Variants in RANBP17 observed in about 807,000 individuals in gnomAD.
The protein encoded by RANBP17 is ran-binding protein 17.
Under a neutral mutation model 141.2 loss-of-function variants are expected in RANBP17, and 158 were observed. The ratio of observed to expected loss-of-function variants is 1.12; its 90% CI spans 0.98 to 1.28. The LOEUF (loss-of-function observed/expected upper bound fraction) is 1.28. Ranked by LOEUF, RANBP17 falls within the 50% of genes most tolerant of loss-of-function variation. The pLI is 0.00. For synonymous variants in RANBP17, 430 were observed against 450.0 expected (o/e 0.96, Z 0.56); for missense variants, 1,438 against 1,290.7 (o/e 1.11, Z -1.75).
chr5:170,978,888 G>GCATA, intron 14 of RANBP17, among the ~76,000 whole-genome samples: 3 of 152,102 alleles, frequency 2.0e-5, no homozygotes, highest in Non-Finnish European at 2.9e-5. Context: ...GAAGCCTGGT[G>GCATA]TGTAATTGTG....
chr5:171,265,360 C>T (rs1766601741), intron 24 of RANBP17, among the ~76,000 whole-genome samples: 1 of 152,134 alleles, frequency 6.6e-6, no homozygotes, highest in South Asian at 2.1e-4. Flanking sequence ...CATGGAGAAA[C>T]CCCATCTCTA....
At chr5:170,985,245 A>G (rs373853911) in intron 14 of RANBP17, among the ~76,000 whole-genome samples, 2 of 152,172 alleles carry the variant, frequency 1.3e-5, no homozygotes, top group African/African-American at 4.8e-5. Context: ...ATTCAAGCTT[A>G]CCCTACCATA....
At position 171,265,728 on chromosome 5, in the gene RANBP17, A is replaced by T. The variant is rs1278167340; in HGVS notation, c.2824A>T (p.Thr942Ser). Residue 942 changes from threonine (T) to serine (S), a missense_variant, in exon 25 of 28, where the codon ACC (threonine) becomes TCC (serine). Physicochemically the swap from Thr to Ser is moderately conservative, Grantham distance 58. Coordinates refer to ENST00000523189, the MANE Select transcript of RANBP17 (RefSeq NM_022897.5). The part of the protein sequence containing the change: ...SCCTSLDYIV[T>S]YLFKHIAKEG... ...CTGTACCAGTTTAGACTACATCGTCACCTACCTCTTCAAGCACATAGCAAA... is the reference window on the plus strand; with the variant it reads ...CTGTACCAGTTTAGACTACATCGTCTCCTACCTCTTCAAGCACATAGCAAA... 6.2e-7 allele frequency: 1 copy of T among 1,614,112 alleles called. No individual in the cohort carries two copies.
intron 25 of RANBP17, among the ~76,000 whole-genome samples, chr5:171,280,477 A>C (rs2128036024): frequency 6.6e-6 from 1 of 152,116 alleles, no homozygotes; most frequent in Admixed American, 6.5e-5. Context: ...ACGGGGTTTC[A>C]CCATAGTGCC....
intron 13 of RANBP17, among the ~76,000 whole-genome samples, chr5:170,955,466 CTATATATA>C (rs10610368): frequency 8.1e-6 from 1 of 123,072 alleles, no homozygotes; most frequent in Non-Finnish European, 1.7e-5. Context: ...ATATATATAT[CTATATATA>C]TATATATATA....
At chr5:171,224,052 G>T (rs1366294) in intron 22 of RANBP17, among the ~76,000 whole-genome samples, 97,324 of 152,088 alleles carry the variant, frequency 0.64, 31,250 homozygotes, top group South Asian at 0.79. Context: ...TAACATGGAA[G>T]AGTTACTCGC....
chr5:171,216,398 T>G (rs1182191965), intron 21 of RANBP17, among the ~76,000 whole-genome samples: 2 of 152,200 alleles, frequency 1.3e-5, no homozygotes, highest in African/African-American at 2.4e-5. Context: ...CTTTTTTGGT[T>G]CCATATGAAA....
intron 25 of RANBP17, among the ~76,000 whole-genome samples, chr5:171,283,252 C>T (rs1767959064): frequency 1.3e-5 from 2 of 152,262 alleles, no homozygotes; most frequent in African/African-American, 4.8e-5. Context: ...CTGTGTATCT[C>T]CTCCCCTACT....
At chr5:171,282,454 ATGTTGTTGT>A (rs11269694) in intron 25 of RANBP17, among the ~76,000 whole-genome samples, 28,668 of 149,354 alleles carry the variant, frequency 0.19, 3,187 homozygotes, top group Admixed American at 0.24. Context: ...AGAAAGCTGC[ATGTTGTTGT>A]TGTTGTTGTT....
At chr5:170,955,771 A>C (rs1460108858) in intron 13 of RANBP17, among the ~76,000 whole-genome samples, 1 of 146,698 alleles carries the variant, frequency 6.8e-6, no homozygotes, top group Non-Finnish European at 1.5e-5. Flanking sequence ...AGTTATATCT[A>C]AAAGTAATTT....
chr5:171,295,340 C>G (rs1768749320), intron 26 of RANBP17, among the ~76,000 whole-genome samples: 1 of 152,106 alleles, frequency 6.6e-6, no homozygotes, highest in South Asian at 2.1e-4. Flanking sequence ...CAAACTAAAG[C>G]ACGCCCCTCT....
chr5:170,953,616 A>G lies in RANBP17; in HGVS notation c.1488A>G (p.Val496=), dbSNP rs751765484. The change falls in exon 13 of 28, where the codon GTA becomes GTG. Residue 496 remains valine (V), a synonymous_variant. Coordinates refer to ENST00000523189, the MANE Select transcript of RANBP17 (RefSeq NM_022897.5). Reference sequence around the variant, plus strand: ...TATTAGGACGTCTTGCATGGCTGGTATACTTAGTTGGGACAGTTGTAGGAG... The same window carrying G: ...TATTAGGACGTCTTGCATGGCTGGTGTACTTAGTTGGGACAGTTGTAGGAG... The part of the protein sequence containing the change: ...TIQEGRLAWL[V]YLVGTVVGGR... 12 of 1,609,976 alleles carry G rather than the reference A, an allele frequency of 7.5e-6. No homozygotes were observed. Among genetic ancestry groups the G allele is most frequent in the South Asian group, 4.4e-5 (4 of 90,812 alleles).
chr5:171,066,087 C>T (rs1784295195), intron 14 of RANBP17, among the ~76,000 whole-genome samples: 1 of 152,094 alleles, frequency 6.6e-6, no homozygotes, highest in Non-Finnish European at 1.5e-5. Flanking sequence ...GTCTCAGACT[C>T]CTGACCTCAA....
chr5:170,916,606 A>G, intron 9 of RANBP17, 22 bp downstream of exon 9: 1 of 1,475,972 alleles, frequency 6.8e-7, no homozygotes, highest in African/African-American at 1.4e-5. Context: ...GTAATTTAAT[A>G]CTTAGCATAT....
At chr5:170,997,741 GTTTCC>G (rs1374718856) in intron 14 of RANBP17, among the ~76,000 whole-genome samples, 2 of 151,994 alleles carry the variant, frequency 1.3e-5, no homozygotes, top group African/African-American at 4.8e-5. Context: ...TGAGAAAAAA[GTTTCC>G]TTTATGTTGT....
intron 14 of RANBP17, among the ~76,000 whole-genome samples, chr5:171,004,773 C>G (rs1779466917): frequency 6.6e-6 from 1 of 152,106 alleles, no homozygotes; most frequent in South Asian, 2.1e-4. Flanking sequence ...CGGGGGCCCA[C>G]ACAGACAGGG....
chr5:170,964,112 C>G (rs1400898218), intron 13 of RANBP17, among the ~76,000 whole-genome samples: 1 of 152,062 alleles, frequency 6.6e-6, no homozygotes, highest in African/African-American at 2.4e-5. Context: ...TATATAGACA[C>G]TCTTATGGAG....
At chr5:170,993,750 A>C (rs562989995) in intron 14 of RANBP17, among the ~76,000 whole-genome samples, 1 of 152,070 alleles carries the variant, frequency 6.6e-6, no homozygotes, top group Non-Finnish European at 1.5e-5. Flanking sequence ...AATTTAACCA[A>C]TATACACTGT....
At chr5:171,149,903 GGTT>G (rs1210553188) in intron 14 of RANBP17, among the ~76,000 whole-genome samples, 1 of 152,194 alleles carries the variant, frequency 6.6e-6, no homozygotes, top group Non-Finnish European at 1.5e-5. Flanking sequence ...TTGGTTTGCA[GGTT>G]GTTAGTCTTC....
Sources: allele counts gnomAD v4.1 joint callset (sites outside exome capture counted in the v4.1 genomes callset), GRCh38; gene constraint gnomAD v4.1.1; transcripts MANE v1.5; gene names NCBI Gene and HGNC (gene_info 2026-07-23, HGNC 2026-07-21).